The following COA1 variants were observed in gnomAD, a reference collection of about 807,000 sequenced individuals.
COA1 encodes cytochrome c oxidase assembly factor 1, also known as cytochrome c oxidase assembly factor 1 homolog.
A neutral mutation model predicts 16.0 loss-of-function variants in COA1; 13 were observed. The ratio of observed to expected loss-of-function variants is 0.81; its 90% CI spans 0.53 to 1.29. COA1 has a LOEUF of 1.29. COA1 is among the 50% of genes most tolerant of loss of function. The pLI is 0.00. For missense variants in COA1, 179 were observed against 177.0 expected, an observed-to-expected ratio of 1.01 and a Z score of -0.06; for synonymous variants, 65 against 65.7, an observed-to-expected ratio of 0.99 and a Z score of 0.05.
intron 6 of COA1, among the ~76,000 whole-genome samples, chr7:43,629,835 A>C (rs940948369): frequency 6.6e-6 from 1 of 152,226 alleles, no homozygotes; most frequent in Non-Finnish European, 1.5e-5. Flanking sequence ...AGATTTCCTG[A>C]CTGCTCGTCA....
At chr7:43,676,127 C>T (rs139972783) in intron 1 of COA1, among the ~76,000 whole-genome samples, 180 of 152,106 alleles carry the variant, frequency 1.2e-3, no homozygotes, top group African/African-American at 4.2e-3. Flanking sequence ...AGCAGCATAC[C>T]ATTTTAAGAA....
chr7:43,721,940 G>T (rs2095513328), intron 1 of COA1, among the ~76,000 whole-genome samples: 1 of 152,106 alleles, frequency 6.6e-6, no homozygotes, highest in African/African-American at 2.4e-5. Flanking sequence ...ATGTAATACT[G>T]CATGCTGACA....
At chr7:43,713,415 G>T (rs979029049) in intron 1 of COA1, among the ~76,000 whole-genome samples, 62 of 152,094 alleles carry the variant, frequency 4.1e-4, no homozygotes, top group African/African-American at 1.4e-3. Context: ...CTGTGGAATA[G>T]AATACCAGAA....
intron 1 of COA1, among the ~76,000 whole-genome samples, chr7:43,719,375 TAA>T (rs1340667525): frequency 6.6e-6 from 1 of 152,198 alleles, no homozygotes; most frequent in Non-Finnish European, 1.5e-5. Flanking sequence ...GGGATGCCAC[TAA>T]TAGCCTCTAA....
At chr7:43,652,715 A>G (rs2091034531) in intron 1 of COA1, among the ~76,000 whole-genome samples, 1 of 147,206 alleles carries the variant, frequency 6.8e-6, no homozygotes, top group African/African-American at 2.4e-5. Flanking sequence ...TAAGGGAACA[A>G]GGTAAAAAAA....
chr7:43,650,673 G>A (rs1388854715), intron 1 of COA1: 1 of 152,084 alleles, frequency 6.6e-6, no homozygotes, highest in African/African-American at 2.4e-5. Context: ...CCCTCGCCAG[G>A]ACTCAGAGAT....
At chr7:43,722,762 A>G (rs1369875377) in intron 1 of COA1, among the ~76,000 whole-genome samples, 1 of 152,226 alleles carries the variant, frequency 6.6e-6, no homozygotes, top group Non-Finnish European at 1.5e-5. Flanking sequence ...ATAAACAGGG[A>G]AAGTTGGGTG....
chr7:43,676,418 C>T (rs1563335855), intron 1 of COA1, among the ~76,000 whole-genome samples: 1 of 151,808 alleles, frequency 6.6e-6, no homozygotes, highest in African/African-American at 2.4e-5. Flanking sequence ...TATTCAGCCA[C>T]AAAAAAAGAA....
At chr7:43,686,140 T>C (rs1203306024) in intron 1 of COA1, among the ~76,000 whole-genome samples, 2 of 152,210 alleles carry the variant, frequency 1.3e-5, no homozygotes, top group Non-Finnish European at 2.9e-5. Flanking sequence ...TTAACTTTAT[T>C]TGAAGACTTC....
At chr7:43,703,929 T>C (rs1196562162) in intron 1 of COA1, among the ~76,000 whole-genome samples, 1 of 152,246 alleles carries the variant, frequency 6.6e-6, no homozygotes, top group Non-Finnish European at 1.5e-5. Flanking sequence ...GTGGGCTATG[T>C]ACTTAAGTGT....
chr7:43,717,467 T>G (rs893592245), intron 1 of COA1, among the ~76,000 whole-genome samples: 8 of 152,174 alleles, frequency 5.3e-5, no homozygotes, highest in Non-Finnish European at 1.2e-4. Context: ...TTTCTCCTAT[T>G]TGGAATGACT....
In COA1 at chr7:43,675,834, TTCTAACA is replaced by T. The variant is rs906889630; in HGVS notation, c.-38-27189_-38-27183del. On this transcript the variant is annotated intron_variant, in intron 1 of 5. Coordinates refer to ENST00000223336, the MANE Select transcript of COA1 (RefSeq NM_018224.4). ...TCTTATCAAGGGATCCTATACTGAA[TTCTAACA>T]TCTAACATCTAATTCTAACACTAGA... Among the ~76,000 whole-genome samples the T allele has an allele frequency of 9.5e-4, 144 of 152,198 alleles. 1 individual carries two copies. Among genetic ancestry groups the T allele is most frequent in the African/African-American group, 3.3e-3 (138 of 41,530 alleles).
At chr7:43,721,031 G>A (rs1014446801) in intron 1 of COA1, among the ~76,000 whole-genome samples, 1 of 152,190 alleles carries the variant, frequency 6.6e-6, no homozygotes, top group South Asian at 2.1e-4. Flanking sequence ...ATGTGATAGA[G>A]AAGGCTGAAA....
intron 3 of COA1, chr7:43,646,273 G>A: frequency 3.6e-6 from 1 of 278,374 alleles, no homozygotes; most frequent in Non-Finnish European, 7.4e-6. Flanking sequence ...AGCTATGATA[G>A]GAAAAGAAGG....
intron 1 of COA1, among the ~76,000 whole-genome samples, chr7:43,724,429 G>A (rs4720461): frequency 0.12 from 17,985 of 151,998 alleles, 1,142 homozygotes; most frequent in Admixed American, 0.19. Context: ...GTGCACGCCT[G>A]TAGTCCCAGC....
At chr7:43,723,232 G>A (rs1585557101) in intron 1 of COA1, among the ~76,000 whole-genome samples, 1 of 152,130 alleles carries the variant, frequency 6.6e-6, no homozygotes, top group African/African-American at 2.4e-5. Context: ...TTTTGGTTGA[G>A]CCACACTGTT....
rs773424570 is a variant in COA1, at chr7:43,648,622, C to T, written c.-8G>A. 3 of 1,612,892 alleles carry T rather than the reference C, an allele frequency of 1.9e-6. No individual in the cohort carries two copies. The highest frequency in any genetic ancestry group is 2.5e-6 in the Non-Finnish European group (3 of 1,179,654). ...TACCTTTTGCCACATCATAGCACAA[C>T]TCTCTTGAAAATCATCAAAGGCAAG... is the stretch of plus-strand genomic sequence containing the variant. On this transcript the variant is annotated 5_prime_UTR_variant, in exon 2 of 6. Coordinates refer to ENST00000223336, the MANE Select transcript of COA1 (RefSeq NM_018224.4).
In COA1 at chr7:43,656,820, AAAAAG is replaced by A. The variant is rs141367829; in HGVS notation, c.-38-8173_-38-8169del. 3.0e-3 allele frequency among the ~76,000 whole-genome samples: 454 copies of A among 151,824 alleles called. 3 individuals are homozygous for A. The highest frequency in any genetic ancestry group is 9.8e-3 in the African/African-American group (408 of 41,476). On this transcript the variant is annotated intron_variant, in intron 1 of 5. Transcript: ENST00000223336. ...AAACTACCACCTACCGCAAATATTA[AAAAAG>A]AAAAGAAAAGAAAAGAAAAGAACTA...
intron 2 of COA1, chr7:43,648,040 A>G (rs2089914070): frequency 4.9e-6 from 1 of 203,170 alleles, no homozygotes. Context: ...TGGTCCTGTA[A>G]GCCTGCGAAT....
Sources: gnomAD v4.1 joint callset for allele counts (sites outside exome capture counted in the v4.1 genomes callset) on GRCh38, gnomAD v4.1.1 for gene constraint, MANE v1.5 for transcripts, NCBI Gene and HGNC (gene_info 2026-07-23, HGNC 2026-07-21) for gene names.